Variants in LEPR observed in about 807,000 individuals in gnomAD.
LEPR encodes the protein OB receptor.
LEPR carries 56 observed loss-of-function variants against 114.7 expected under a neutral mutation model. The ratio of observed to expected loss-of-function variants is 0.49; its 90% confidence interval spans 0.39 to 0.61. LEPR has a LOEUF of 0.61. LEPR is among the 20% of genes least tolerant of loss of function. The pLI is 0.00. For synonymous variants in LEPR, 443 were observed against 461.4 expected (o/e 0.96, Z 0.51); for missense variants, 1,202 against 1,352.9 (o/e 0.89, Z 1.75).
At chr1:65,421,244 G>A in intron 1 of LEPR, 1 of 1,385,738 alleles carries the variant, frequency 7.2e-7, no homozygotes, top group East Asian at 2.5e-5. Context: ...CACCCAGAAA[G>A]ACGGTGTTTC....
At chr1:65,621,242 T>G in intron 17 of LEPR, 111 bp from the exon 18 acceptor site, 1 of 826,266 alleles carries the variant, frequency 1.2e-6, no homozygotes, top group Admixed American at 2.3e-5. Flanking sequence ...TTTTTGAAGG[T>G]AATAAGAGAT....
chr1:65,610,128 G>A, intron 13 of LEPR, 22 bp downstream of exon 13: 1 of 1,614,148 alleles, frequency 6.2e-7, no homozygotes, highest in Non-Finnish European at 8.5e-7. Context: ...TTTTGTAAAT[G>A]TGTTTTGAAA....
intron 2 of LEPR, among the ~76,000 whole-genome samples, chr1:65,545,968 T>G (rs1651677497): frequency 6.6e-6 from 1 of 151,758 alleles, no homozygotes; most frequent in African/African-American, 2.4e-5. Flanking sequence ...TTAATCCATC[T>G]TGAATTAATT....
At chr1:65,472,144 G>T (rs1315509660) in intron 2 of LEPR, among the ~76,000 whole-genome samples, 1 of 151,936 alleles carries the variant, frequency 6.6e-6, no homozygotes, top group Non-Finnish European at 1.5e-5. Flanking sequence ...GAGCAACTGA[G>T]GTCTTCAAAA....
chr1:65,525,826 C>A (rs12741225), intron 2 of LEPR: 1 of 985,676 alleles, frequency 1.0e-6, no homozygotes, highest in Non-Finnish European at 1.2e-6. Context: ...AAGGTGGGAC[C>A]TGCTTCCCTC....
At chr1:65,498,331 T>G (rs1220365121) in intron 2 of LEPR, among the ~76,000 whole-genome samples, 1 of 152,158 alleles carries the variant, frequency 6.6e-6, no homozygotes, top group Non-Finnish European at 1.5e-5. Context: ...AAATAACTGC[T>G]GAGGGCTTTC....
At chr1:65,580,391 T>C (rs545099927) in intron 5 of LEPR, among the ~76,000 whole-genome samples, 169 of 152,362 alleles carry the variant, frequency 1.1e-3, no homozygotes, top group Non-Finnish European at 2.2e-3. Context: ...AGAGAAATTT[T>C]CAAATGCTTC....
chr1:65,566,728 T>G (rs1336148978), intron 3 of LEPR, among the ~76,000 whole-genome samples: 1 of 152,210 alleles, frequency 6.6e-6, no homozygotes, highest in East Asian at 1.9e-4. Flanking sequence ...CTGTTACCTG[T>G]GTGTCAACTG....
chr1:65,425,371 G>A lies in LEPR; in HGVS notation c.-28G>A, dbSNP rs759633343. ...TCTTATGCTGGGATGTGCCTTAGAG[G>A]ATTATGGGTAAGTTATCATTTCAAA... On this transcript the variant is annotated 5_prime_UTR_variant, in exon 2 of 20. Coordinates refer to ENST00000349533, the MANE Select transcript of LEPR (RefSeq NM_002303.6). 3.1e-6 allele frequency: 5 copies of A among 1,598,582 alleles called. No individual in the cohort carries two copies. Among genetic ancestry groups the A allele is most frequent in the African/African-American group, 2.7e-5 (2 of 73,812 alleles).
intron 2 of LEPR, among the ~76,000 whole-genome samples, chr1:65,462,959 G>C (rs1646964765): frequency 6.6e-6 from 1 of 152,150 alleles, no homozygotes; most frequent in Non-Finnish European, 1.5e-5. Context: ...TGTTCACTCT[G>C]ATGATAGTTT....
At position 65,565,479 on chromosome 1, in the gene LEPR, A is replaced by C. The variant is rs150089678; in HGVS notation, c.-20-67A>C. On this transcript the variant is annotated intron_variant, in intron 2 of 19. Transcript: ENST00000349533. ...TAATCCCTTTCCTTTTATGTTTTCC[A>C]CAGACAACTTATATATATGTGTTTT... 1.1e-3 allele frequency: 1,677 copies of C among 1,501,202 alleles called. 18 individuals carry two copies. In the African/African-American group the frequency reaches 0.021, roughly 19 times the overall value. The allele number at this position is 1,501,202 out of a possible 1,614,324, so 93.0% of individuals were successfully genotyped here.
At chr1:65,565,381 T>C (rs541278191) in intron 2 of LEPR, among the ~76,000 whole-genome samples, 165 bp from the exon 3 acceptor site, 1 of 152,310 alleles carries the variant, frequency 6.6e-6, no homozygotes, top group African/African-American at 2.4e-5. Flanking sequence ...AATAAATCTG[T>C]AGCCTAATTT....
intron 2 of LEPR, among the ~76,000 whole-genome samples, chr1:65,521,433 T>C (rs1570602702): frequency 1.3e-5 from 2 of 152,316 alleles, no homozygotes; most frequent in East Asian, 1.9e-4. Flanking sequence ...TTATGGACTT[T>C]AATGACATCT....
chr1:65,545,299 T>C (rs1272439177), intron 2 of LEPR, among the ~76,000 whole-genome samples: 2 of 152,016 alleles, frequency 1.3e-5, no homozygotes, highest in Non-Finnish European at 2.9e-5. Context: ...CAGCATGATT[T>C]ATAGTCCTTT....
intron 14 of LEPR, among the ~76,000 whole-genome samples, chr1:65,610,796 C>T (rs919592508): frequency 6.6e-6 from 1 of 152,164 alleles, no homozygotes; most frequent in Admixed American, 6.5e-5. Context: ...CATCCTCTCC[C>T]AAATGAACTG....
intron 6 of LEPR, among the ~76,000 whole-genome samples, chr1:65,595,433 T>C (rs918193130): frequency 6.6e-6 from 1 of 152,122 alleles, no homozygotes; most frequent in African/African-American, 2.4e-5. Flanking sequence ...GTAATTTTAC[T>C]TTTCTTTGGT....
At chr1:65,473,232 C>T (rs1399025008) in intron 2 of LEPR, among the ~76,000 whole-genome samples, 2 of 152,186 alleles carry the variant, frequency 1.3e-5, no homozygotes, top group African/African-American at 4.8e-5. Flanking sequence ...AGGGAACTGG[C>T]ACAAGGTCAC....
chr1:65,625,980 CTCTT>C, intron 19 of LEPR: 1 of 683,458 alleles, frequency 1.5e-6, no homozygotes, highest in Non-Finnish European at 2.6e-6. Flanking sequence ...GAAACACTCT[CTCTT>C]CAGCATTTAA....
chr1:65,529,557 G>GAGGA (rs1352600960), intron 2 of LEPR, among the ~76,000 whole-genome samples: 2 of 142,898 alleles, frequency 1.4e-5, no homozygotes, highest in Non-Finnish European at 3.1e-5. Flanking sequence ...GGAAGGGAGG[G>GAGGA]AGGGAGGGAG....
Sources: gnomAD v4.1 joint callset for allele counts (sites outside exome capture counted in the v4.1 genomes callset) on GRCh38, gnomAD v4.1.1 for gene constraint, MANE v1.5 for transcripts, NCBI Gene and HGNC (gene_info 2026-07-23, HGNC 2026-07-21) for gene names.